The following MITF variants were observed in gnomAD, a reference collection of about 807,000 sequenced individuals.
The protein encoded by MITF is melanocyte inducing transcription factor.
A neutral mutation model predicts 60.5 loss-of-function variants in MITF; 17 were observed. The observed-to-expected ratio is 0.28, with a 90% confidence interval of 0.19 to 0.42. The LOEUF is 0.42. Among genes scored for constraint, MITF ranks in the 10% least tolerant of loss-of-function variants. The pLI, the probability that MITF is intolerant of heterozygous loss-of-function variation, is 1.00. For synonymous variants in MITF, 260 were observed against 248.5 expected (o/e 1.05, Z -0.43); for missense variants, 622 against 683.5 (o/e 0.91, Z 1.00).
chr3:69,756,762 C>T (rs1347950208), intron 1 of MITF, among the ~76,000 whole-genome samples: 1 of 152,124 alleles, frequency 6.6e-6, no homozygotes, highest in African/African-American at 2.4e-5. Context: ...CAGTGTAAAG[C>T]GTCCCTGTTT....
At chr3:69,861,881 GA>G (rs1299285833) in intron 1 of MITF, among the ~76,000 whole-genome samples, 2 of 152,026 alleles carry the variant, frequency 1.3e-5, no homozygotes, top group Admixed American at 6.6e-5. Context: ...TTACTTTGAT[GA>G]AACTCTTTAA....
chr3:69,876,262 G>A (rs774700530), intron 1 of MITF, among the ~76,000 whole-genome samples: 1 of 152,100 alleles, frequency 6.6e-6, no homozygotes, highest in Admixed American at 6.5e-5. Context: ...TAATTAGTGC[G>A]ATTATTCCAC....
intron 2 of MITF, among the ~76,000 whole-genome samples, chr3:69,888,413 CT>C (rs199920801): frequency 1.1e-3 from 162 of 141,720 alleles, no homozygotes; most frequent in Non-Finnish European, 9.9e-4. Flanking sequence ...TTCTTTTTTT[CT>C]TTTTTTTTTT....
At chr3:69,804,553 T>C (rs2062974829) in intron 1 of MITF, among the ~76,000 whole-genome samples, 1 of 152,224 alleles carries the variant, frequency 6.6e-6, no homozygotes, top group Non-Finnish European at 1.5e-5. Flanking sequence ...ACACTTGATA[T>C]TAGGATGTTT....
At chr3:69,781,944 C>A (rs143809307) in intron 1 of MITF, among the ~76,000 whole-genome samples, 2 of 152,186 alleles carry the variant, frequency 1.3e-5, no homozygotes, top group Non-Finnish European at 2.9e-5. Context: ...TTGCCTGTCT[C>A]GTTGATGAGT....
chr3:69,780,337 T>C (rs1214773444), intron 1 of MITF, among the ~76,000 whole-genome samples: 1 of 152,208 alleles, frequency 6.6e-6, no homozygotes, highest in Non-Finnish European at 1.5e-5. Flanking sequence ...GTGAAATCTC[T>C]CAATTTTTAA....
intron 1 of MITF, among the ~76,000 whole-genome samples, chr3:69,872,622 A>G (rs1575854601): frequency 6.6e-6 from 1 of 152,262 alleles, no homozygotes; most frequent in African/African-American, 2.4e-5. Context: ...TTTGGAGAAT[A>G]CTGATATATT....
intron 1 of MITF, among the ~76,000 whole-genome samples, chr3:69,779,953 C>T (rs1482618819): frequency 1.3e-5 from 2 of 151,988 alleles, no homozygotes; most frequent in Non-Finnish European, 1.5e-5. Flanking sequence ...AGCTAGGACA[C>T]CTTTGGGAGG....
chr3:69,864,801 C>G (rs530723403), intron 1 of MITF, among the ~76,000 whole-genome samples: 19 of 152,176 alleles, frequency 1.2e-4, no homozygotes, highest in Admixed American at 1.2e-3. Flanking sequence ...TGCCTGCCAA[C>G]TTCCCACCTC....
rs12491960 is a variant in MITF, at chr3:69,941,924, T to C, written c.762+593T>C. On this transcript the variant is annotated intron_variant, in intron 5 of 9. Transcript: ENST00000352241. ...TGTTACTGTTTTACCAAAGTCTTAT[T>C]GCACATCTTATTTAGTCCTTGCAGT... Among the ~76,000 whole-genome samples, 493 of 152,340 alleles carry C rather than the reference T, an allele frequency of 3.2e-3. 8 individuals carry two copies. The highest frequency in any genetic ancestry group is 0.029 in the Admixed American group (448 of 15,288).
chr3:69,949,013 TCAA>T (rs1192103246), intron 5 of MITF, 35 bp from the exon 6 acceptor site: 1 of 1,411,154 alleles, frequency 7.1e-7, no homozygotes. Flanking sequence ...TGGGAATTGT[TCAA>T]CAGTTAATTT....
At chr3:69,750,625 G>A (rs1703903196) in intron 1 of MITF, among the ~76,000 whole-genome samples, 1 of 152,026 alleles carries the variant, frequency 6.6e-6, no homozygotes, top group Non-Finnish European at 1.5e-5. Context: ...AGCATTCCCT[G>A]TAGGGCTTGT....
intron 2 of MITF, among the ~76,000 whole-genome samples, chr3:69,883,557 A>G (rs745439815): frequency 3.9e-5 from 6 of 152,172 alleles, no homozygotes; most frequent in South Asian, 2.1e-4. Context: ...GAACATGAAA[A>G]TGTGTGTGGA....
At chr3:69,922,453 G>A (rs955993001) in intron 2 of MITF, among the ~76,000 whole-genome samples, 7 of 151,980 alleles carry the variant, frequency 4.6e-5, no homozygotes, top group African/African-American at 1.2e-4. Flanking sequence ...ATCTCTTGAC[G>A]TTGTGATCCA....
At chr3:69,936,864 CTGCTCTTTTAATG>C in intron 2 of MITF, 1 of 1,023,570 alleles carries the variant, frequency 9.8e-7, no homozygotes, top group Admixed American at 2.0e-5. Flanking sequence ...AAGTATAAAT[CTGCTCTTTTAATG>C]CTGTTTATTA....
intron 5 of MITF, among the ~76,000 whole-genome samples, chr3:69,942,562 TATG>T (rs2065993908): frequency 6.6e-6 from 1 of 152,150 alleles, no homozygotes; most frequent in Non-Finnish European, 1.5e-5. Context: ...AAGCTTCTTT[TATG>T]ATATTTAGAG....
At chr3:69,874,545 C>T (rs971015080) in intron 1 of MITF, among the ~76,000 whole-genome samples, 2 of 152,320 alleles carry the variant, frequency 1.3e-5, no homozygotes, top group African/African-American at 4.8e-5. Flanking sequence ...TATTGCGAAG[C>T]ACAGAGATAG....
intron 1 of MITF, among the ~76,000 whole-genome samples, chr3:69,876,942 G>A (rs962303914): frequency 6.6e-6 from 1 of 152,124 alleles, no homozygotes; most frequent in Non-Finnish European, 1.5e-5. Flanking sequence ...GGAGTAAAAT[G>A]ATAGAAAGAT....
chr3:69,772,520 A>G (rs892726978), intron 1 of MITF, among the ~76,000 whole-genome samples: 1 of 152,212 alleles, frequency 6.6e-6, no homozygotes, highest in Non-Finnish European at 1.5e-5. Flanking sequence ...ATGTGACAGC[A>G]TCTTGTTTCT....
Sources: allele counts gnomAD v4.1 joint callset (sites outside exome capture counted in the v4.1 genomes callset), GRCh38; gene constraint gnomAD v4.1.1; transcripts MANE v1.5; gene names NCBI Gene and HGNC (gene_info 2026-07-23, HGNC 2026-07-21).